The following COX4I2 variants were observed in gnomAD, a reference collection of about 807,000 sequenced individuals.
COX4I2 encodes the protein cytochrome c oxidase subunit 4I2, also known as cytochrome c oxidase subunit 4 isoform 2, mitochondrial.
COX4I2 carries 15 observed loss-of-function variants against 20.8 expected under a neutral mutation model. That is an observed-to-expected ratio of 0.72 (90% CI 0.48 to 1.11). The LOEUF (loss-of-function observed/expected upper bound fraction) is 1.11, where lower values mean the gene tolerates loss of function less well. Ranked by LOEUF, COX4I2 falls within the 50% of genes most tolerant of loss-of-function variation. The pLI is 0.00. For missense variants in COX4I2, 224 were observed against 223.0 expected (o/e 1.00, Z -0.03); for synonymous variants, 80 against 78.1 (o/e 1.02, Z -0.13).
At chr20:31,639,851 C>T (rs980149904) in intron 2 of COX4I2, 82 bp from the exon 3 acceptor site, 47 of 1,529,182 alleles carry the variant, frequency 3.1e-5, no homozygotes, top group Non-Finnish European at 3.9e-5. Context: ...CCACCAAGCC[C>T]GGCCACCTTC....
chr20:31,638,733 C>G (rs1277261499), intron 1 of COX4I2, among the ~76,000 whole-genome samples: 2 of 152,090 alleles, frequency 1.3e-5, no homozygotes, highest in African/African-American at 4.8e-5. Context: ...AAGCCCTCAG[C>G]CTCAAACTCT....
Position 31,644,941 on chromosome 20 carries a change from G to A in COX4I2, c.*37G>A. Reference sequence around the variant, plus strand: ...AGCTGTCTCCCTGAGGCTCCGCCCTGGCTGGGAGCCTCTGGCGGCCCCTCC... The same window carrying A: ...AGCTGTCTCCCTGAGGCTCCGCCCTAGCTGGGAGCCTCTGGCGGCCCCTCC... On this transcript the variant is annotated 3_prime_UTR_variant, in exon 5 of 5. Coordinates refer to ENST00000376075, the MANE Select transcript of COX4I2 (RefSeq NM_032609.3). 1 of 1,608,494 alleles carries A rather than the reference G, an allele frequency of 6.2e-7. No individual in the cohort carries two copies. Among genetic ancestry groups the A allele is most frequent in the Non-Finnish European group, 8.5e-7 (1 of 1,177,532 alleles).
At chr20:31,640,925 C>G (rs1419531334) in intron 3 of COX4I2, among the ~76,000 whole-genome samples, 1 of 150,576 alleles carries the variant, frequency 6.6e-6, no homozygotes, top group Non-Finnish European at 1.5e-5. Flanking sequence ...TCTCTCAGCA[C>G]CTTTACCCCT....
intron 1 of COX4I2, 57 bp from the exon 2 acceptor site, chr20:31,638,961 G>A: frequency 7.8e-6 from 12 of 1,542,210 alleles, no homozygotes; most frequent in Non-Finnish European, 1.1e-5. Context: ...TGGCCCTGCG[G>A]TTTGGGGGCA....
intron 3 of COX4I2, among the ~76,000 whole-genome samples, 172 bp downstream of exon 3, chr20:31,640,269 T>C (rs530482843): frequency 6.6e-6 from 1 of 152,258 alleles, no homozygotes; most frequent in African/African-American, 2.4e-5. Flanking sequence ...ACTCACCTGT[T>C]TGTGCATAGC....
At chr20:31,640,941 C>G (rs974165567) in intron 3 of COX4I2, among the ~76,000 whole-genome samples, 1 of 143,800 alleles carries the variant, frequency 7.0e-6, no homozygotes, top group Non-Finnish European at 1.5e-5. Context: ...CCCCTTCTCT[C>G]TCTCTCTCTT....
At position 31,639,037 on chromosome 20, in the gene COX4I2, G is replaced by A. The variant is rs772181447; in HGVS notation, c.20G>A (p.Trp7Ter). The A allele has an allele frequency of 1.9e-6, 3 of 1,612,092 alleles. No homozygotes were observed. In the East Asian group the frequency reaches 6.7e-5, roughly 36 times the overall value. MLPRAA[W>*]SLVLRKGGGG... ...CCCCAGATGCTCCCCAGAGCTGCCT[G>A]GAGCTTGGTGCTGAGGAAAGGTGGA... is the stretch of plus-strand genomic sequence containing the variant. Residue 7 changes from tryptophan (W) to a stop codon, truncating the protein, a stop_gained, in exon 2 of 5, where the codon TGG (tryptophan) becomes TAG (stop). Coordinates refer to ENST00000376075, the MANE Select transcript of COX4I2 (RefSeq NM_032609.3). LOFTEE classifies it high-confidence loss of function.
chr20:31,644,327 T>C (rs1430324639), intron 4 of COX4I2, among the ~76,000 whole-genome samples: 1 of 152,172 alleles, frequency 6.6e-6, no homozygotes, highest in African/African-American at 2.4e-5. Flanking sequence ...ACAATCCTAG[T>C]GGATAGGACC....
Position 31,641,849 on chromosome 20 carries a change from C to T in COX4I2, c.248-1555C>T, listed in dbSNP as rs528971318. On this transcript the variant is annotated intron_variant, in intron 3 of 4. Transcript: ENST00000376075. ...CTGAGTAGCTGGGACTACAGGCGGG[C>T]GCCACCACACCTGGCTATTTTTTTT... Among the ~76,000 whole-genome samples the T allele has an allele frequency of 7.0e-4, 105 of 149,178 alleles. 2 individuals carry two copies. In the South Asian group the frequency reaches 0.021, roughly 30 times the overall value.
At chr20:31,638,955 C>T in intron 1 of COX4I2, 63 bp from the exon 2 acceptor site, 1 of 1,510,212 alleles carries the variant, frequency 6.6e-7, no homozygotes, top group South Asian at 1.2e-5. Flanking sequence ...TCCATCTGGC[C>T]CTGCGGTTTG....
chr20:31,640,283 A>G (rs2060460490), intron 3 of COX4I2, among the ~76,000 whole-genome samples, 186 bp downstream of exon 3: 1 of 152,126 alleles, frequency 6.6e-6, no homozygotes, highest in Admixed American at 6.5e-5. Flanking sequence ...GCATAGCCTG[A>G]TGCTAGGCAA....
At chr20:31,642,332 C>T (rs1018760060) in intron 3 of COX4I2, among the ~76,000 whole-genome samples, 2 of 152,100 alleles carry the variant, frequency 1.3e-5, no homozygotes, top group African/African-American at 4.8e-5. Context: ...AAGACAGTTC[C>T]CTTTTCCCAA....
chr20:31,641,506 A>G (rs2060467953), intron 3 of COX4I2, among the ~76,000 whole-genome samples: 1 of 152,252 alleles, frequency 6.6e-6, no homozygotes, highest in African/African-American at 2.4e-5. Flanking sequence ...TCGTTAGCTC[A>G]CATTTGAGAG....
At chr20:31,644,696 AGGGTGGCTGGAGACCCTGGCTG>A in intron 4 of COX4I2, 50 bp from the exon 5 acceptor site, 1 of 1,585,068 alleles carries the variant, frequency 6.3e-7, no homozygotes, top group African/African-American at 1.3e-5. Flanking sequence ...GGGAGGCTAC[AGGGTGGCTGGAGACCCTGGCTG>A]GTGTAGGAAG....
intron 3 of COX4I2, 35 bp downstream of exon 3, chr20:31,640,132 G>A (rs2060459544): frequency 6.3e-7 from 1 of 1,575,910 alleles, no homozygotes; most frequent in East Asian, 2.3e-5. Context: ...GGAGAGAGTG[G>A]GTTGGGGGCT....
chr20:31,644,028 C>T (rs1279571904), intron 4 of COX4I2, among the ~76,000 whole-genome samples: 1 of 152,188 alleles, frequency 6.6e-6, no homozygotes, highest in Non-Finnish European at 1.5e-5. Flanking sequence ...CCAGGCTGGT[C>T]TCAAACTCCT....
At position 31,644,844 on chromosome 20, in the gene COX4I2, G is replaced by A. The variant is rs928305162; in HGVS notation, c.456G>A (p.Val152=). Residue 152 remains valine (V), a synonymous_variant, in exon 5 of 5, where the codon GTG becomes GTA. Coordinates refer to ENST00000376075, the MANE Select transcript of COX4I2 (RefSeq NM_032609.3). ...TGCAGCGCATGCTGGACATGAAGGTGAATCCTGTGCAGGGCCTGGCCTCCC... is the reference window on the plus strand; with the variant it reads ...TGCAGCGCATGCTGGACATGAAGGTAAATCCTGTGCAGGGCCTGGCCTCCC... The part of the protein sequence containing the change: ...QQLQRMLDMK[V]NPVQGLASRW... The A allele has an allele frequency of 6.2e-7, 1 of 1,614,126 alleles. No individual in the cohort carries two copies. The highest frequency in any genetic ancestry group is 8.5e-7 in the Non-Finnish European group (1 of 1,179,992).
chr20:31,640,035 A>G lies in COX4I2; in HGVS notation c.185A>G (p.Gln62Arg), dbSNP rs779813395. 23 of 1,613,946 alleles carry G rather than the reference A, an allele frequency of 1.4e-5. No homozygotes were observed. Among genetic ancestry groups the G allele is most frequent in the East Asian group, 4.5e-5 (2 of 44,876 alleles). The change falls in exon 3 of 5, where the codon CAG becomes CGG. Residue 62 changes from glutamine (Q) to arginine (R), a missense_variant. Gln to Arg is a conservative substitution (Grantham distance 43). Transcript: ENST00000376075. ...TGCACAGAACTCAACGCTGAGGAGC[A>G]GGCCCTGAAGGAGAAGGAGAAGGGA... ...PFCTELNAEE[Q>R]ALKEKEKGSW... is the part of the protein sequence containing the mutation.
Position 31,644,818 on chromosome 20 carries a change from C to T in COX4I2, c.430C>T (p.Leu144=). ...TLTDERKAQQ[L]QRMLDMKVNP... ...GACGGACGAGCGGAAAGCCCAGCAG[C>T]TGCAGCGCATGCTGGACATGAAGGT... Residue 144 remains leucine, a synonymous_variant, in exon 5 of 5, where the codon CTG becomes TTG. Coordinates refer to ENST00000376075, the MANE Select transcript of COX4I2 (RefSeq NM_032609.3). The T allele has an allele frequency of 6.2e-7, 1 of 1,614,094 alleles. No individual in the cohort carries two copies. Among genetic ancestry groups the T allele is most frequent in the Non-Finnish European group, 8.5e-7 (1 of 1,179,980 alleles).
Sources: allele counts gnomAD v4.1 joint callset (sites outside exome capture counted in the v4.1 genomes callset), GRCh38; gene constraint gnomAD v4.1.1; transcripts MANE v1.5; gene names NCBI Gene and HGNC (gene_info 2026-07-23, HGNC 2026-07-21).